Variants in DNM3 observed in about 807,000 individuals in gnomAD.
DNM3 encodes dynamin-3.
A neutral mutation model predicts 101.6 loss-of-function variants in DNM3; 47 were observed. The ratio of observed to expected loss-of-function variants is 0.46; its 90% confidence interval spans 0.37 to 0.59. The LOEUF (loss-of-function observed/expected upper bound fraction) is 0.59. Among genes scored for constraint, DNM3 ranks in the 20% least tolerant of loss-of-function variants. The pLI, the probability that DNM3 is intolerant of heterozygous loss-of-function variation, is 0.00. For missense variants in DNM3, 849 were observed against 1,085.7 expected (o/e 0.78, Z 3.06); for synonymous variants, 385 against 387.9 (o/e 0.99, Z 0.09).
In DNM3 at chr1:172,314,405, C is replaced by T. The variant is rs555330123; in HGVS notation, c.1881+5566C>T. On this transcript the variant is annotated intron_variant, in intron 16 of 20. Coordinates refer to ENST00000627582, the MANE Select transcript of DNM3 (RefSeq NM_015569.5). Reference sequence around the variant, plus strand: ...TGGGTGCAGGTCAGTGGGTGCAGCACGCGGTGCACGAGCCGAAGCAGGGCG... The same window carrying T: ...TGGGTGCAGGTCAGTGGGTGCAGCATGCGGTGCACGAGCCGAAGCAGGGCG... Among the ~76,000 whole-genome samples the T allele has an allele frequency of 5.9e-5, 9 of 152,230 alleles. No individual in the cohort carries two copies. In the East Asian group the frequency reaches 7.8e-4, roughly 13 times the overall value.
intron 9 of DNM3, among the ~76,000 whole-genome samples, chr1:172,047,816 G>A (rs2049924634): frequency 6.6e-6 from 1 of 152,142 alleles, no homozygotes; most frequent in Non-Finnish European, 1.5e-5. Context: ...AATAGGTGGG[G>A]AGGGGAGAGA....
At chr1:172,208,172 G>T (rs2060386585) in intron 14 of DNM3, among the ~76,000 whole-genome samples, 1 of 152,096 alleles carries the variant, frequency 6.6e-6, no homozygotes, top group African/African-American at 2.4e-5. Context: ...GCAAGATTTA[G>T]AAGAGAGGAG....
At chr1:171,847,537 G>GAA (rs11377124) in intron 1 of DNM3, among the ~76,000 whole-genome samples, 11 of 150,670 alleles carry the variant, frequency 7.3e-5, no homozygotes, top group African/African-American at 1.5e-4. Context: ...GAGCAGCAAG[G>GAA]AAAAAAAAAG....
chr1:172,163,811 G>A (rs984969520), intron 14 of DNM3, among the ~76,000 whole-genome samples: 2 of 151,874 alleles, frequency 1.3e-5, no homozygotes, highest in African/African-American at 4.8e-5. Context: ...CAAATGGCAA[G>A]ATTTCTTTCA....
intron 14 of DNM3, among the ~76,000 whole-genome samples, chr1:172,246,829 A>G (rs1311059101): frequency 6.6e-6 from 1 of 151,914 alleles, no homozygotes; most frequent in Non-Finnish European, 1.5e-5. Flanking sequence ...GAGCCATCAC[A>G]TTTTTCTTGG....
At chr1:172,398,710 T>G (rs2070223142) in intron 20 of DNM3, among the ~76,000 whole-genome samples, 1 of 152,202 alleles carries the variant, frequency 6.6e-6, no homozygotes, top group Non-Finnish European at 1.5e-5. Flanking sequence ...GCATATTTTG[T>G]GAACAATTTC....
intron 1 of DNM3, among the ~76,000 whole-genome samples, chr1:171,905,251 TGTC>T (rs1195470008): frequency 1.3e-5 from 2 of 152,210 alleles, no homozygotes; most frequent in African/African-American, 4.8e-5. Context: ...CATCCTGAAA[TGTC>T]GTCATCCTCA....
chr1:172,348,115 T>G (rs547427802), intron 17 of DNM3, among the ~76,000 whole-genome samples: 1 of 152,022 alleles, frequency 6.6e-6, no homozygotes, highest in African/African-American at 2.4e-5. Context: ...GGGGGCTGAG[T>G]TGGCAGATGG....
chr1:172,147,262 G>C (rs555119790), intron 14 of DNM3, among the ~76,000 whole-genome samples: 2 of 152,212 alleles, frequency 1.3e-5, no homozygotes, highest in East Asian at 3.9e-4. Context: ...AGTTTAAAAA[G>C]TTGGTCATTC....
Position 172,408,971 on chromosome 1 carries a change from A to G in DNM3, c.*1130A>G. 1 of 985,396 alleles carries G rather than the reference A, an allele frequency of 1.0e-6. No homozygotes were observed. 61.0% of individuals were successfully genotyped at this position (985,396 alleles called of 1,614,324 possible). On this transcript the variant is annotated 3_prime_UTR_variant, in exon 21 of 21. Transcript: ENST00000627582. ...CACACTTTTACAGTTGCAGTATTTCAAAGTCCCTATCCAGGTCACTCCAGA... is the reference window on the plus strand; with the variant it reads ...CACACTTTTACAGTTGCAGTATTTCGAAGTCCCTATCCAGGTCACTCCAGA...
Position 172,411,308 on chromosome 1 carries a change from T to A in DNM3, c.*3467T>A. 1 of 985,196 alleles carries A rather than the reference T, an allele frequency of 1.0e-6. No individual in the cohort carries two copies. Among genetic ancestry groups the A allele is most frequent in the Non-Finnish European group, 1.2e-6 (1 of 829,762 alleles). 61.0% of individuals were successfully genotyped at this position (985,196 alleles called of 1,614,324 possible). On this transcript the variant is annotated 3_prime_UTR_variant, in exon 21 of 21. Coordinates refer to ENST00000627582, the MANE Select transcript of DNM3 (RefSeq NM_015569.5). The stretch of plus-strand genomic sequence containing the variant: ...GTCATTTTGAGAGGTACAAAGCTCA[T>A]AATTACCATGACAACATGGTAATGT...
At chr1:172,323,460 A>G in intron 17 of DNM3, 120 bp downstream of exon 17, 1 of 1,245,944 alleles carries the variant, frequency 8.0e-7, no homozygotes, top group Non-Finnish European at 1.1e-6. Context: ...CAGTGCACGA[A>G]TTATATGGGG....
At chr1:172,343,704 T>C (rs1013358055) in intron 17 of DNM3, among the ~76,000 whole-genome samples, 2 of 152,324 alleles carry the variant, frequency 1.3e-5, no homozygotes, top group Admixed American at 6.5e-5. Context: ...TTATTTCACA[T>C]GCAAGTCTGA....
In DNM3 at chr1:171,841,542, G is replaced by A. The variant is rs114247451; in HGVS notation, c.-115G>A. 159,285 of 1,411,758 alleles carry A rather than the reference G, an allele frequency of 0.11. 9,975 individuals carry two copies. Among genetic ancestry groups the A allele is most frequent in the South Asian group, 0.23 (16,905 of 73,484 alleles). 87.5% of individuals were successfully genotyped at this position (1,411,758 alleles called of 1,614,324 possible). On this transcript the variant is annotated 5_prime_UTR_variant, in exon 1 of 21. Transcript: ENST00000627582. The stretch of plus-strand genomic sequence containing the variant: ...GCGGCGGGCTCCGACGTCTGCGCCA[G>A]GACCTGGCTGGCTGAGCCCGGCGCA...
intron 14 of DNM3, among the ~76,000 whole-genome samples, chr1:172,186,679 G>C (rs2059537735): frequency 6.6e-6 from 1 of 152,052 alleles, no homozygotes; most frequent in African/African-American, 2.4e-5. Context: ...TCTCACTGAA[G>C]GAATCAGAAT....
At chr1:172,150,631 G>T (rs752517627) in intron 14 of DNM3, among the ~76,000 whole-genome samples, 1 of 152,200 alleles carries the variant, frequency 6.6e-6, no homozygotes, top group Non-Finnish European at 1.5e-5. Context: ...AGATGAGGAA[G>T]CAGAAGCTCA....
At chr1:172,417,450 C>G (rs1329871442), downstream of DNM3, among the ~76,000 whole-genome samples, 1 of 152,184 alleles carries the variant, frequency 6.6e-6, no homozygotes, top group East Asian at 1.9e-4. Flanking sequence ...CTTGGACCCT[C>G]ATTTCATTAT....
rs533456227 is a variant in DNM3, at chr1:172,008,832, AAT to A, written c.589+19691_589+19692del. Among the ~76,000 whole-genome samples the A allele has an allele frequency of 8.0e-3, 1,115 of 138,760 alleles. 21 individuals carry two copies. The highest frequency in any genetic ancestry group is 0.028 in the African/African-American group (1,044 of 37,894). The allele number at this position is 138,760 out of a possible 152,430, so 91.0% of individuals were successfully genotyped here. ...ATATAAATATTAATATGTATTATAT[AAT>A]ATATATTAATATATTATATTATATT... is the stretch of plus-strand genomic sequence containing the variant. On this transcript the variant is annotated intron_variant, in intron 4 of 20. Transcript: ENST00000627582.
intron 3 of DNM3, 104 bp downstream of exon 3, chr1:171,987,909 A>G: frequency 8.4e-7 from 1 of 1,197,130 alleles, no homozygotes; most frequent in Non-Finnish European, 1.1e-6. Context: ...CTGGGTTTCT[A>G]GGGTATCCTT....
Sources: gnomAD v4.1 joint callset for allele counts (sites outside exome capture counted in the v4.1 genomes callset) on GRCh38, gnomAD v4.1.1 for gene constraint, MANE v1.5 for transcripts, NCBI Gene and HGNC (gene_info 2026-07-23, HGNC 2026-07-21) for gene names.